The following MED14 variants were observed in gnomAD, a reference collection of about 807,000 sequenced individuals.
The protein encoded by MED14 is mediator of RNA polymerase II transcription subunit 14.
In MED14, 8 loss-of-function variants were observed where a neutral mutation model predicts 109.0. That is an observed-to-expected ratio of 0.07 (90% CI 0.04 to 0.13). The LOEUF (loss-of-function observed/expected upper bound fraction) is 0.13. Ranked by LOEUF, MED14 falls within the 10% of genes least tolerant of loss-of-function variation. MED14 has a pLI of 1.00. For synonymous variants in MED14, 399 were observed against 408.7 expected (o/e 0.98, Z 0.29); for missense variants, 711 against 1,142.4 (o/e 0.62, Z 5.44).
chrX:40,658,160 G>A (rs1368591958), intron 28 of MED14, among the ~76,000 whole-genome samples: 11 of 108,638 alleles, frequency 1.0e-4, no homozygotes, highest in African/African-American at 2.7e-4. Flanking sequence ...GCATGATCTC[G>A]GCTCACTGCA....
rs905461415 is a variant in MED14 at position 40,648,965 on chromosome X, C to T, written c.*2841G>A. ...ACAATGAAATACACATTAACATTTT[C>T]CCTCTATGTCCCTTGAATGTAAGTT... On this transcript the variant is annotated 3_prime_UTR_variant, in exon 31 of 31. Coordinates refer to ENST00000324817, the MANE Select transcript of MED14 (RefSeq NM_004229.4). 1.2e-4 allele frequency: 13 copies of T among 112,295 alleles called. No individual in the cohort carries two copies. The highest frequency in any genetic ancestry group is 1.0e-3 in the Admixed American group (11 of 10,602). 9.3% of individuals were successfully genotyped at this position (112,295 alleles called of 1,213,427 possible). A position where few individuals can be genotyped will look rare whatever the true frequency, so the allele number is the denominator to read the frequency against.
intron 3 of MED14, among the ~76,000 whole-genome samples, chrX:40,724,901 T>C (rs1223138573): frequency 9.1e-6 from 1 of 110,153 alleles, no homozygotes; most frequent in African/African-American, 3.3e-5. Context: ...TGAACAAAAT[T>C]GACAAACCTT....
At chrX:40,724,618 T>G (rs183293688) in intron 3 of MED14, among the ~76,000 whole-genome samples, 7 of 111,483 alleles carry the variant, frequency 6.3e-5, no homozygotes, top group African/African-American at 1.3e-4. Flanking sequence ...ATTTAAAAAT[T>G]TATTGTAATA....
At position 40,675,246 on chromosome X, in the gene MED14, T is replaced by C; in HGVS notation, c.2996A>G (p.Gln999Arg). The change falls in exon 22 of 31, where the codon CAG becomes CGG. Residue 999 changes from glutamine (Q) to arginine (R), a missense_variant. By Grantham distance (43) the Gln-to-Arg change is conservative. This residue lies in a region of MED14 where 100 missense variants were observed against 147.5 expected (regional missense o/e 0.68). Transcript: ENST00000324817. Reference sequence around the variant, plus strand: ...CTGTTGCTGGGGTGGTGGCTGGAGCTGCGATATTAAAGAATCCATCATATC... The same window carrying C: ...CTGTTGCTGGGGTGGTGGCTGGAGCCGCGATATTAAAGAATCCATCATATC... ...GGDMMDSLIS[Q>R]LQPPPQQQPF... The C allele has an allele frequency of 8.4e-7, 1 of 1,190,154 alleles. No homozygotes were observed. The highest frequency in any genetic ancestry group is 1.1e-6 in the Non-Finnish European group (1 of 886,685).
At chrX:40,666,083 T>G (rs1291954553) in intron 24 of MED14, among the ~76,000 whole-genome samples, 1 of 111,860 alleles carries the variant, frequency 8.9e-6, no homozygotes, top group Non-Finnish European at 1.9e-5. Flanking sequence ...ATCATACTCA[T>G]GATATATTAA....
Position 40,697,217 on chromosome X carries a change from C to G in MED14, c.1491-34G>C. 3 of 1,011,353 alleles carry G rather than the reference C, an allele frequency of 3.0e-6. No homozygotes were observed. In the South Asian group the frequency reaches 6.3e-5, roughly 21 times the overall value. 83.3% of individuals were successfully genotyped at this position (1,011,353 alleles called of 1,213,427 possible). A position where few individuals can be genotyped will look rare whatever the true frequency, so the allele number is the denominator to read the frequency against. On this transcript the variant is annotated intron_variant, in intron 12 of 30. Transcript: ENST00000324817. ...AAAAGTGATAATCCACATCAAATCT[C>G]AGACTTTTCTGATTATCTGTGCCCT...
chrX:40,651,084 T>C lies in MED14; in HGVS notation c.*722A>G. On this transcript the variant is annotated 3_prime_UTR_variant, in exon 31 of 31. Transcript: ENST00000324817. The stretch of plus-strand genomic sequence containing the variant: ...GAAAGACAACCAAGGTGCTAAATGT[T>C]AACCACTAGTCAAGTTAGGAATGTC... The C allele has an allele frequency of 2.7e-6, 2 of 750,781 alleles. No homozygotes were observed. Among genetic ancestry groups the C allele is most frequent in the Non-Finnish European group, 3.1e-6 (2 of 636,026 alleles). The allele number at this position is 750,781 out of a possible 1,213,427, so 61.9% of individuals were successfully genotyped here.
chrX:40,711,093 A>G (rs1172659352), intron 8 of MED14, 76 bp downstream of exon 8: 99 of 1,059,066 alleles, frequency 9.3e-5, no homozygotes, highest in Non-Finnish European at 1.2e-4. Context: ...ATTAAATCAG[A>G]TGTATGAGAG....
At chrX:40,704,129 T>G (rs1221145412) in intron 10 of MED14, among the ~76,000 whole-genome samples, 1 of 111,879 alleles carries the variant, frequency 8.9e-6, no homozygotes. Flanking sequence ...CCATTTCAAG[T>G]CACAGATGAA....
chrX:40,660,166 CAT>C (rs890062459), intron 26 of MED14, among the ~76,000 whole-genome samples: 8 of 111,523 alleles, frequency 7.2e-5, no homozygotes, highest in African/African-American at 1.6e-4. Context: ...TTTTTAGAGA[CAT>C]ATGCAAAAAT....
intron 4 of MED14, 144 bp downstream of exon 4, chrX:40,714,393 A>T: frequency 1.8e-6 from 1 of 558,347 alleles, no homozygotes; most frequent in Non-Finnish European, 2.7e-6. Flanking sequence ...TCAAAAAAGC[A>T]CAACTTTAGT....
chrX:40,720,306 T>C (rs1320737945), intron 3 of MED14, among the ~76,000 whole-genome samples: 1 of 112,070 alleles, frequency 8.9e-6, no homozygotes, highest in Non-Finnish European at 1.9e-5. Flanking sequence ...CTTGAATCCC[T>C]GACACCACCC....
intron 1 of MED14, 111 bp from the exon 2 acceptor site, chrX:40,729,456 T>G (rs1025085849): frequency 5.6e-5 from 42 of 743,531 alleles, no homozygotes; most frequent in Non-Finnish European, 7.5e-5. Context: ...AAAAACTGGG[T>G]AAACAGCTAC....
intron 26 of MED14, among the ~76,000 whole-genome samples, chrX:40,662,705 A>G (rs1210553201): frequency 8.9e-6 from 1 of 112,204 alleles, no homozygotes; most frequent in East Asian, 2.8e-4. Context: ...GCCACAGCAC[A>G]GCAAACTGTA....
At chrX:40,661,862 T>C (rs895189472) in intron 26 of MED14, among the ~76,000 whole-genome samples, 2 of 111,267 alleles carry the variant, frequency 1.8e-5, no homozygotes, top group Non-Finnish European at 3.8e-5. Flanking sequence ...ATTCAATTGT[T>C]CATTTATTTA....
At chrX:40,651,917 A>C in intron 30 of MED14, 38 bp from the exon 31 acceptor site, 1 of 1,162,377 alleles carries the variant, frequency 8.6e-7, no homozygotes, top group Non-Finnish European at 1.1e-6. Flanking sequence ...TATTCACAAC[A>C]CAGGAAAGAT....
chrX:40,693,756 A>G (rs1196668958), intron 13 of MED14, among the ~76,000 whole-genome samples: 1 of 111,385 alleles, frequency 9.0e-6, no homozygotes, highest in Non-Finnish European at 1.9e-5. Context: ...AACAAACCCT[A>G]ATTTTTCAAC....
chrX:40,723,635 C>G (rs1438794717), intron 3 of MED14, among the ~76,000 whole-genome samples: 1 of 87,219 alleles, frequency 1.1e-5, no homozygotes, highest in African/African-American at 4.8e-5. Flanking sequence ...CACTGCACTC[C>G]AGCCTGGGCA....
In MED14 at chrX:40,681,994, A is replaced by C. The variant is rs181242907; in HGVS notation, c.2366-51T>G. 261 of 610,969 alleles carry C rather than the reference A, an allele frequency of 4.3e-4. No homozygotes were observed. The East Asian group carries it at 9.6e-3, about 23-fold the overall frequency. The allele number at this position is 610,969 out of a possible 1,213,427, so 50.4% of individuals were successfully genotyped here. A position where few individuals can be genotyped will look rare whatever the true frequency, so the allele number is the denominator to read the frequency against. ...ATTAATATTATACATGTAAAATTTT[A>C]AAATATAAATTTGAGTAACAGGGCA... On this transcript the variant is annotated intron_variant, in intron 18 of 30. Coordinates refer to ENST00000324817, the MANE Select transcript of MED14 (RefSeq NM_004229.4).
Sources: gnomAD v4.1 joint callset for allele counts (sites outside exome capture counted in the v4.1 genomes callset) on GRCh38, gnomAD v4.1.1 for gene constraint, gnomAD v4.1.1 regional missense constraint, MANE v1.5 for transcripts, NCBI Gene and HGNC (gene_info 2026-07-23, HGNC 2026-07-21) for gene names.